Variants in MMEL1 observed in about 807,000 individuals in gnomAD.
The protein encoded by MMEL1 is membrane metallo-endopeptidase-like 1.
In MMEL1, 98 loss-of-function variants were observed where a neutral mutation model predicts 117.1. The ratio of observed to expected loss-of-function variants is 0.84; its 90% CI spans 0.71 to 0.99. MMEL1 has a LOEUF of 0.99. Among genes scored for constraint, MMEL1 ranks in the 50% least tolerant of loss-of-function variants. The pLI, the probability that MMEL1 is intolerant of heterozygous loss-of-function variation, is 0.00. For missense variants in MMEL1, 1,014 were observed against 1,049.1 expected (o/e 0.97, Z 0.46); for synonymous variants, 390 against 415.1 (o/e 0.94, Z 0.74).
At chr1:2,630,412 T>C (rs1408775322) in intron 1 of MMEL1, among the ~76,000 whole-genome samples, 1 of 152,206 alleles carries the variant, frequency 6.6e-6, no homozygotes, top group African/African-American at 2.4e-5. Flanking sequence ...GCACATGTTC[T>C]GGTGTGTGCA....
intron 2 of MMEL1, among the ~76,000 whole-genome samples, chr1:2,623,008 A>C (rs1025335993): frequency 2.6e-5 from 4 of 151,996 alleles, no homozygotes; most frequent in Admixed American, 2.0e-4. Flanking sequence ...TCTCTACCAA[A>C]AATACAAAAA....
rs905706243 is a variant in MMEL1 at position 2,595,894 on chromosome 1, C to T, written c.1500+115G>A. Reference sequence around the variant, plus strand: ...CTGCCTTCTCCCCGTGGGGTCCTGTCTGCGCCTCCCGGGGCTGCCTTCTCC... The same window carrying T: ...CTGCCTTCTCCCCGTGGGGTCCTGTTTGCGCCTCCCGGGGCTGCCTTCTCC... On this transcript the variant is annotated intron_variant, in intron 15 of 23. Coordinates refer to ENST00000378412, the MANE Select transcript of MMEL1 (RefSeq NM_033467.4). This position sits in a 1 kb window ranked among gnomAD's most constrained non-coding sequence, Gnocchi z 4.8. The T allele has an allele frequency of 1.9e-5, 15 of 799,618 alleles. No individual in the cohort carries two copies. Among genetic ancestry groups the T allele is most frequent in the African/African-American group, 3.8e-5 (2 of 52,306 alleles). 49.5% of individuals were successfully genotyped at this position (799,618 alleles called of 1,614,324 possible).
In MMEL1 at chr1:2,629,498, G is replaced by A. The variant is rs1244850858; in HGVS notation, c.-14C>T. The A allele has an allele frequency of 6.8e-7, 1 of 1,479,338 alleles. No individual in the cohort carries two copies. Among genetic ancestry groups the A allele is most frequent in the Non-Finnish European group, 9.0e-7 (1 of 1,112,922 alleles). The allele number at this position is 1,479,338 out of a possible 1,614,324, so 91.6% of individuals were successfully genotyped here. ...GGACTTCCCCATCAGCAGGGCTCTG[G>A]ACGGGAGAGCACCGCGGAGGAACCT... is the stretch of plus-strand genomic sequence containing the variant. On this transcript the variant is annotated 5_prime_UTR_variant, in exon 2 of 24. Coordinates refer to ENST00000378412, the MANE Select transcript of MMEL1 (RefSeq NM_033467.4).
rs1228418316 is a variant in MMEL1, at chr1:2,601,540, A to G, written c.1041+2344T>C. On this transcript the variant is annotated intron_variant, in intron 11 of 23. Transcript: ENST00000378412. ...ACACAAAGAATACTAACCACGAAGAAGAGATCTGCACACATTTGCTAAGCC... is the reference window on the plus strand; with the variant it reads ...ACACAAAGAATACTAACCACGAAGAGGAGATCTGCACACATTTGCTAAGCC... Among the ~76,000 whole-genome samples, 4 of 152,052 alleles carry G rather than the reference A, an allele frequency of 2.6e-5. No homozygotes were observed. In the East Asian group the frequency reaches 7.7e-4, roughly 29 times the overall value.
Position 2,619,199 on chromosome 1 carries a change from G to C in MMEL1, c.155-6995C>G, listed in dbSNP as rs1368632373. 2.0e-5 allele frequency among the ~76,000 whole-genome samples: 3 copies of C among 152,186 alleles called. No individual in the cohort carries two copies. The East Asian group carries it at 5.8e-4, about 29-fold the overall frequency. The stretch of plus-strand genomic sequence containing the variant: ...CTGGTAGGAGGATGAAAGTTACATG[G>C]ACAGAGCACCCCAGCTGAGCCCAAC... On this transcript the variant is annotated intron_variant, in intron 2 of 23. Coordinates refer to ENST00000378412, the MANE Select transcript of MMEL1 (RefSeq NM_033467.4).
At chr1:2,602,433 T>C (rs1644947883) in intron 11 of MMEL1, among the ~76,000 whole-genome samples, 2 of 151,748 alleles carry the variant, frequency 1.3e-5, no homozygotes, top group Non-Finnish European at 2.9e-5. Context: ...ATCTGAGCTC[T>C]CTCACTTCCA....
At chr1:2,631,127 A>C (rs1638560332) in intron 1 of MMEL1, among the ~76,000 whole-genome samples, 1 of 152,198 alleles carries the variant, frequency 6.6e-6, no homozygotes, top group Non-Finnish European at 1.5e-5. Context: ...ATGGATGTGC[A>C]CATCCCTCGC....
chr1:2,619,487 G>A (rs1427320626), intron 2 of MMEL1, among the ~76,000 whole-genome samples: 3 of 151,950 alleles, frequency 2.0e-5, no homozygotes, highest in Admixed American at 6.5e-5. Flanking sequence ...GTGAAACCCC[G>A]TCTCTACTAA....
chr1:2,604,135 C>CCCCCCCCAACCAAT lies in MMEL1; in HGVS notation c.951+11_951+12insATTGGTTGGGGGGG. On this transcript the variant is annotated intron_variant, in intron 10 of 23. Transcript: ENST00000378412. The stretch of plus-strand genomic sequence containing the variant: ...CTCGCTGCCCGCTCCCCACCCGCCC[C>CCCCCCCCAACCAAT]GGCCCCCTTACCTTGGCCAGCTGTG... 1 of 1,520,166 alleles carries CCCCCCCCAACCAAT rather than the reference C, an allele frequency of 6.6e-7. No individual in the cohort carries two copies. The highest frequency in any genetic ancestry group is 9.1e-7 in the Non-Finnish European group (1 of 1,100,358). 94.2% of individuals were successfully genotyped at this position (1,520,166 alleles called of 1,614,324 possible). A position where few individuals can be genotyped will look rare whatever the true frequency, so the allele number is the denominator to read the frequency against.
intron 22 of MMEL1, 112 bp from the exon 23 acceptor site, chr1:2,591,745 GT>G: frequency 9.3e-7 from 1 of 1,071,678 alleles, no homozygotes; most frequent in Admixed American, 1.7e-5. Flanking sequence ...GGTGAGGGGA[GT>G]CAGCAGGTGC....
In MMEL1 at chr1:2,590,763, G is replaced by A. The variant is rs1457289713; in HGVS notation, c.*227C>T. ...AGCTGTGACGGGGGCACTGAGCCCC[G>A]CGGGTGTCTGTGGAGGGGGCTCCGG... On this transcript the variant is annotated 3_prime_UTR_variant, in exon 24 of 24. Transcript: ENST00000378412. 5 of 404,018 alleles carry A rather than the reference G, an allele frequency of 1.2e-5. No individual in the cohort carries two copies. Among genetic ancestry groups the A allele is most frequent in the African/African-American group, 2.1e-5 (1 of 48,606 alleles). 25.0% of individuals were successfully genotyped at this position (404,018 alleles called of 1,614,324 possible). A position where few individuals can be genotyped will look rare whatever the true frequency, so the allele number is the denominator to read the frequency against.
chr1:2,598,708 T>C lies in MMEL1; in HGVS notation c.1124A>G (p.Tyr375Cys). 2 of 1,614,078 alleles carry C rather than the reference T, an allele frequency of 1.2e-6. No homozygotes were observed. The highest frequency in any genetic ancestry group is 1.6e-4 in the Middle Eastern group (1 of 6,062). The change falls in exon 12 of 24, where the codon TAT (tyrosine) becomes TGT (cysteine). Residue 375 changes from tyrosine (Y) to cysteine (C), a missense_variant. Physicochemically the swap from Tyr to Cys is radical, Grantham distance 194 (BLOSUM62 -2). Coordinates refer to ENST00000378412, the MANE Select transcript of MMEL1 (RefSeq NM_033467.4). Reference sequence around the variant, plus strand: ...AAGGTTCTGCAGGTAGGGGATGCCATAGACCACCACTTCCTCATCTGGCAG... The same window carrying C: ...AAGGTTCTGCAGGTAGGGGATGCCACAGACCACCACTTCCTCATCTGGCAG... ...KLLPDEEVVV[Y>C]GIPYLQNLEN...
At chr1:2,606,819 A>G (rs1645036252) in intron 7 of MMEL1, among the ~76,000 whole-genome samples, 155 bp downstream of exon 7, 2 of 151,756 alleles carry the variant, frequency 1.3e-5, no homozygotes, top group Admixed American at 1.3e-4. Flanking sequence ...CAGGACCCTG[A>G]GGTTGCCCCG....
intron 6 of MMEL1, among the ~76,000 whole-genome samples, chr1:2,608,912 TATAC>T (rs1645077967): frequency 6.6e-6 from 1 of 151,690 alleles, no homozygotes; most frequent in Non-Finnish European, 1.5e-5. Context: ...TGAACACATA[TATAC>T]ACATACACGT....
At chr1:2,596,514 C>G in intron 14 of MMEL1, 47 bp downstream of exon 14, 1 of 1,592,188 alleles carries the variant, frequency 6.3e-7, no homozygotes. Context: ...GCTCGGTGTC[C>G]CTGTGGAAGG....
At chr1:2,591,169 A>G (rs947396396) in intron 23 of MMEL1, 80 bp from the exon 24 acceptor site, 44 of 1,007,868 alleles carry the variant, frequency 4.4e-5, no homozygotes, top group Admixed American at 2.6e-4. Flanking sequence ...GTGATTAAAA[A>G]CCAGCCCAAA....
chr1:2,609,938 G>GGACCA, intron 4 of MMEL1, 107 bp from the exon 5 acceptor site: 1 of 1,281,516 alleles, frequency 7.8e-7, no homozygotes, highest in Non-Finnish European at 1.1e-6. Context: ...CCTTGGGAAG[G>GGACCA]GGCTGCTGTC....
intron 9 of MMEL1, among the ~76,000 whole-genome samples, chr1:2,604,963 C>A (rs1219644322): frequency 6.6e-6 from 1 of 152,210 alleles, no homozygotes; most frequent in Admixed American, 6.5e-5. Flanking sequence ...AAGTCTAGTT[C>A]ATAGCCCACC....
At chr1:2,619,920 G>A (rs766428336) in intron 2 of MMEL1, among the ~76,000 whole-genome samples, 5 of 152,136 alleles carry the variant, frequency 3.3e-5, no homozygotes, top group South Asian at 2.1e-4. Flanking sequence ...AAAGCTGAAA[G>A]ACATGGAGGA....
Sources: allele counts gnomAD v4.1 joint callset (sites outside exome capture counted in the v4.1 genomes callset), GRCh38; gene constraint gnomAD v4.1.1; non-coding constraint Gnocchi (gnomAD v3.1); transcripts MANE v1.5; gene names NCBI Gene and HGNC (gene_info 2026-07-23, HGNC 2026-07-21).